HECW1: variants seen among roughly 807,000 people sequenced by gnomAD.
The protein encoded by HECW1 is E3 ubiquitin-protein ligase HECW1.
HECW1 carries 61 observed loss-of-function variants against 182.3 expected under a neutral mutation model. That is an observed-to-expected ratio of 0.33 (90% CI 0.27 to 0.41). The LOEUF (loss-of-function observed/expected upper bound fraction) is 0.41, where lower values mean the gene tolerates loss of function less well. Among genes scored for constraint, HECW1 ranks in the 10% least tolerant of loss-of-function variants. The probability of loss-of-function intolerance (pLI) is 1.00; values close to 1 mark genes in which losing one functional copy is unlikely to be tolerated. For missense variants in HECW1, 1,739 were observed against 2,108.9 expected (o/e 0.82, Z 3.44); for synonymous variants, 859 against 832.6 (o/e 1.03, Z -0.55).
intron 2 of HECW1, among the ~76,000 whole-genome samples, chr7:43,198,308 C>T (rs1165128930): frequency 6.7e-6 from 1 of 149,604 alleles, no homozygotes; most frequent in Admixed American, 6.6e-5. Flanking sequence ...CACACTCACC[C>T]TACACTGTCA....
rs957365337 is a variant in HECW1 at position 43,243,623 on chromosome 7, A to T, written c.-31-252A>T. On this transcript the variant is annotated intron_variant, in intron 2 of 29. Transcript: ENST00000395891. The surrounding 1 kb of genome is among the most constrained non-coding windows in gnomAD (Gnocchi z 4.0). ...GAAAAAAAAAAATTCTAGGCTCATG[A>T]GTCTCATTCCTTAAATTAAAATTTA... Among the ~76,000 whole-genome samples, 1 of 152,120 alleles carries T rather than the reference A, an allele frequency of 6.6e-6. No individual in the cohort carries two copies. Among genetic ancestry groups the T allele is most frequent in the South Asian group, 2.1e-4 (1 of 4,826 alleles).
chr7:43,131,939 G>A (rs1467360330), intron 2 of HECW1, among the ~76,000 whole-genome samples: 1 of 152,182 alleles, frequency 6.6e-6, no homozygotes. Flanking sequence ...GCATGCTGAG[G>A]ACTCCACATG....
intron 7 of HECW1, among the ~76,000 whole-genome samples, chr7:43,404,488 T>G (rs973885128): frequency 2.0e-5 from 3 of 152,136 alleles, no homozygotes; most frequent in African/African-American, 7.2e-5. Context: ...GTTATCTTTT[T>G]AAAAAAATAA....
chr7:43,290,204 A>G (rs1307324112), intron 3 of HECW1, among the ~76,000 whole-genome samples: 3 of 152,244 alleles, frequency 2.0e-5, no homozygotes, highest in East Asian at 1.9e-4. Flanking sequence ...ACAGCTTTGC[A>G]GGGCCATTTC....
At chr7:43,490,595 G>A (rs1312112330) in intron 17 of HECW1, among the ~76,000 whole-genome samples, 7 of 151,810 alleles carry the variant, frequency 4.6e-5, no homozygotes, top group African/African-American at 1.5e-4. Context: ...ACTCTGCAAG[G>A]GTCTTAAAAA....
intron 26 of HECW1, among the ~76,000 whole-genome samples, chr7:43,549,117 A>G (rs2081691977): frequency 6.6e-6 from 1 of 152,188 alleles, no homozygotes; most frequent in Admixed American, 6.5e-5. Flanking sequence ...CACACAGCCC[A>G]TCCCTTCAAG....
At chr7:43,453,734 A>G (rs991151185) in intron 12 of HECW1, among the ~76,000 whole-genome samples, 1 of 152,224 alleles carries the variant, frequency 6.6e-6, no homozygotes, top group Non-Finnish European at 1.5e-5. Context: ...TTGGTCACAA[A>G]TGAATTGACC....
chr7:43,384,825 C>A (rs1159835290), intron 6 of HECW1, among the ~76,000 whole-genome samples: 2 of 152,166 alleles, frequency 1.3e-5, no homozygotes, highest in Non-Finnish European at 2.9e-5. Flanking sequence ...CTTCACTAAG[C>A]AGACTGTCTG....
At chr7:43,478,371 G>A (rs916256973) in intron 16 of HECW1, among the ~76,000 whole-genome samples, 7 of 152,076 alleles carry the variant, frequency 4.6e-5, no homozygotes, top group Non-Finnish European at 8.8e-5. Flanking sequence ...AGCTGAGATC[G>A]CGCCACTGCA....
chr7:43,161,410 G>C (rs559216212), intron 2 of HECW1, among the ~76,000 whole-genome samples: 19 of 152,336 alleles, frequency 1.2e-4, no homozygotes, highest in South Asian at 1.0e-3. Context: ...CCTGAGAGCA[G>C]AGGGCTCCTA....
At chr7:43,182,530 A>G (rs879588254) in intron 2 of HECW1, among the ~76,000 whole-genome samples, 4 of 152,230 alleles carry the variant, frequency 2.6e-5, no homozygotes, top group Non-Finnish European at 4.4e-5. Context: ...TTTTTATGCC[A>G]GTACCATGCT....
At chr7:43,531,024 T>G (rs73693017) in intron 24 of HECW1, among the ~76,000 whole-genome samples, 2,451 of 152,318 alleles carry the variant, frequency 0.016, 82 homozygotes, top group African/African-American at 0.056. Context: ...CCTCCTGCTA[T>G]CTCTCTCCAC....
chr7:43,297,545 T>C (rs1806198635), intron 3 of HECW1, among the ~76,000 whole-genome samples: 1 of 152,018 alleles, frequency 6.6e-6, no homozygotes, highest in Admixed American at 6.6e-5. Context: ...TTCTCCAAGG[T>C]GGTTGGCAGG....
At chr7:43,325,585 C>A (rs1810653131) in intron 5 of HECW1, among the ~76,000 whole-genome samples, 1 of 152,164 alleles carries the variant, frequency 6.6e-6, no homozygotes, top group South Asian at 2.1e-4. Context: ...CAAAAAGAGA[C>A]CACTGCCAAA....
intron 3 of HECW1, among the ~76,000 whole-genome samples, chr7:43,250,148 TAC>T (rs3216963): frequency 1.3e-5 from 2 of 151,154 alleles, no homozygotes; most frequent in South Asian, 2.1e-4. Flanking sequence ...CACACACACA[TAC>T]ACACACACAC....
intron 5 of HECW1, among the ~76,000 whole-genome samples, chr7:43,350,948 A>G (rs961966071): frequency 4.6e-5 from 7 of 152,136 alleles, no homozygotes; most frequent in African/African-American, 1.7e-4. Context: ...GACTTGTTTT[A>G]TCATATTACC....
At chr7:43,279,861 G>A (rs1803666525) in intron 3 of HECW1, among the ~76,000 whole-genome samples, 1 of 152,204 alleles carries the variant, frequency 6.6e-6, no homozygotes, top group Non-Finnish European at 1.5e-5. Context: ...AACCACAGCA[G>A]TGCAGCGACT....
chr7:43,507,777 A>G (rs2079648435), intron 22 of HECW1, among the ~76,000 whole-genome samples: 1 of 152,228 alleles, frequency 6.6e-6, no homozygotes. Flanking sequence ...GAATTATCTT[A>G]AAAGTAGTTC....
chr7:43,516,235 A>G (rs1168739431), intron 24 of HECW1, among the ~76,000 whole-genome samples: 1 of 152,098 alleles, frequency 6.6e-6, no homozygotes, highest in Non-Finnish European at 1.5e-5. Context: ...CGCTCAGTAA[A>G]TATGTGTGGA....
Sources: gnomAD v4.1 joint callset for allele counts (sites outside exome capture counted in the v4.1 genomes callset) on GRCh38, gnomAD v4.1.1 for gene constraint, Gnocchi (gnomAD v3.1) non-coding constraint, MANE v1.5 for transcripts, NCBI Gene and HGNC (gene_info 2026-07-23, HGNC 2026-07-21) for gene names.